Variants in SPPL2A observed in about 807,000 individuals in gnomAD.
The protein encoded by SPPL2A is signal peptide peptidase-like 2A.
In SPPL2A, 51 loss-of-function variants were observed where a neutral mutation model predicts 63.8. The observed-to-expected ratio is 0.80, with a 90% CI of 0.64 to 1.01. SPPL2A has a LOEUF of 1.01. Among genes scored for constraint, SPPL2A ranks in the 50% least tolerant of loss-of-function variants. The pLI, the probability that SPPL2A is intolerant of heterozygous loss-of-function variation, is 0.00. For missense variants in SPPL2A, 553 were observed against 622.7 expected (o/e 0.89, Z 1.19); for synonymous variants, 188 against 205.8 (o/e 0.91, Z 0.74).
intron 6 of SPPL2A, among the ~76,000 whole-genome samples, chr15:50,737,253 C>G (rs980559919): frequency 1.3e-5 from 2 of 152,032 alleles, no homozygotes; most frequent in Admixed American, 6.6e-5. Flanking sequence ...AAATCTCTTA[C>G]CAAAAACTAA....
intron 10 of SPPL2A, among the ~76,000 whole-genome samples, chr15:50,728,814 T>C (rs1485934111): frequency 7.2e-6 from 1 of 139,012 alleles, no homozygotes; most frequent in Non-Finnish European, 1.5e-5. Context: ...GGCTGATTAT[T>C]GTATTTTTTT....
chr15:50,717,878 T>C (rs908115001), intron 14 of SPPL2A, among the ~76,000 whole-genome samples: 17 of 152,030 alleles, frequency 1.1e-4, no homozygotes, highest in African/African-American at 3.1e-4. Flanking sequence ...ATCCCATCTA[T>C]AGTTTTCATG....
rs1028278839 is a variant in SPPL2A at position 50,743,833 on chromosome 15, T to C, written c.584+3662A>G. Among the ~76,000 whole-genome samples, 5 of 152,216 alleles carry C rather than the reference T, an allele frequency of 3.3e-5. No individual in the cohort carries two copies. In the South Asian group the frequency reaches 1.0e-3, roughly 32 times the overall value. ...ATTTCTAAAGTTTCCCTAAGTAATA[T>C]ACAAAATGATTTTAGAGATATGGAG... On this transcript the variant is annotated intron_variant, in intron 5 of 14. Transcript: ENST00000261854.
At chr15:50,730,552 A>G (rs2062722210) in intron 10 of SPPL2A, among the ~76,000 whole-genome samples, 2 of 152,128 alleles carry the variant, frequency 1.3e-5, no homozygotes, top group South Asian at 4.1e-4. Context: ...ATGCAAGCAG[A>G]AAGGGCTAAG....
At chr15:50,712,030 A>G (rs548180337) in intron 14 of SPPL2A, among the ~76,000 whole-genome samples, 15 of 152,360 alleles carry the variant, frequency 9.8e-5, no homozygotes, top group African/African-American at 3.6e-4. Context: ...TTATACACAC[A>G]TGCAAAAGTA....
chr15:50,765,178 G>A (rs2063047087), intron 1 of SPPL2A, among the ~76,000 whole-genome samples: 1 of 152,026 alleles, frequency 6.6e-6, no homozygotes, highest in Admixed American at 6.5e-5. Flanking sequence ...CAAGGTCAAC[G>A]CAACCTAAGG....
At chr15:50,712,526 TA>T (rs1454283892) in intron 14 of SPPL2A, among the ~76,000 whole-genome samples, 1 of 152,072 alleles carries the variant, frequency 6.6e-6, no homozygotes, top group Admixed American at 6.6e-5. Flanking sequence ...ACCAGGCATG[TA>T]AAAGCTCCCC....
chr15:50,722,789 T>C (rs1373430070), intron 12 of SPPL2A, among the ~76,000 whole-genome samples: 2 of 152,146 alleles, frequency 1.3e-5, no homozygotes, highest in African/African-American at 4.8e-5. Context: ...CATTAAAAAA[T>C]ATATTGAACA....
chr15:50,735,337 T>C (rs1199132422), intron 8 of SPPL2A, among the ~76,000 whole-genome samples: 1 of 152,102 alleles, frequency 6.6e-6, no homozygotes, highest in Non-Finnish European at 1.5e-5. Flanking sequence ...CGTAATGTAT[T>C]CACCCATTCA....
At chr15:50,730,542 A>T (rs10519285) in intron 10 of SPPL2A, among the ~76,000 whole-genome samples, 4,336 of 152,160 alleles carry the variant, frequency 0.028, 76 homozygotes, top group Middle Eastern at 0.1. Context: ...GCGTTAGTAA[A>T]TGCAAGCAGA....
intron 1 of SPPL2A, among the ~76,000 whole-genome samples, chr15:50,754,094 G>T (rs2062933675): frequency 6.6e-6 from 1 of 152,206 alleles, no homozygotes; most frequent in Admixed American, 6.5e-5. Flanking sequence ...ACCATGCCCG[G>T]ACTTCTTTCT....
chr15:50,723,046 G>C (rs76655479), intron 12 of SPPL2A, among the ~76,000 whole-genome samples: 143 of 152,152 alleles, frequency 9.4e-4, no homozygotes, highest in African/African-American at 3.3e-3. Context: ...ATAGCCAACA[G>C]GTATATGAAA....
intron 14 of SPPL2A, among the ~76,000 whole-genome samples, chr15:50,714,793 A>C (rs951404783): frequency 6.6e-5 from 10 of 151,028 alleles, no homozygotes; most frequent in African/African-American, 2.4e-4. Context: ...AAATACAAAA[A>C]TTATCCAGGG....
intron 14 of SPPL2A, among the ~76,000 whole-genome samples, chr15:50,708,355 T>A (rs62017259): frequency 6.6e-6 from 1 of 152,124 alleles, no homozygotes; most frequent in Admixed American, 6.5e-5. Flanking sequence ...GGAAACATTA[T>A]AATAATTTCT....
rs1214985323 is a variant in SPPL2A at position 50,703,346 on chromosome 15, ACATATATATATTTTTTTTTTT to A, written c.*4433_*4453del. 16 of 73,382 alleles carry A rather than the reference ACATATATATATTTTTTTTTTT, an allele frequency of 2.2e-4. No homozygotes were observed. The highest frequency in any genetic ancestry group is 8.0e-4 in the African/African-American group (16 of 19,946). 4.5% of individuals were successfully genotyped at this position (73,382 alleles called of 1,614,324 possible). A position where few individuals can be genotyped will look rare whatever the true frequency, so the allele number is the denominator to read the frequency against. ...TATACATATATATATATATATATAT[ACATATATATATTTTTTTTTTT>A]TTTTTTTTTTTTTGAGATGGAGTCT... is the stretch of plus-strand genomic sequence containing the variant. On this transcript the variant is annotated 3_prime_UTR_variant, in exon 15 of 15. Transcript: ENST00000261854.
At chr15:50,741,358 A>C (rs1567161658) in intron 5 of SPPL2A, among the ~76,000 whole-genome samples, 13 of 148,382 alleles carry the variant, frequency 8.8e-5, no homozygotes. Flanking sequence ...AATTTTAAAA[A>C]TAAAAAAAAA....
chr15:50,711,366 C>T lies in SPPL2A; in HGVS notation c.1489-3492G>A, dbSNP rs1340256402. Among the ~76,000 whole-genome samples, 7 of 151,948 alleles carry T rather than the reference C, an allele frequency of 4.6e-5. No individual in the cohort carries two copies. The East Asian group carries it at 5.8e-4, about 13-fold the overall frequency. On this transcript the variant is annotated intron_variant, in intron 14 of 14. Coordinates refer to ENST00000261854, the MANE Select transcript of SPPL2A (RefSeq NM_032802.4). Reference sequence around the variant, plus strand: ...CTGGGATTACAGGCACACGCCACCACGCCTGGATAATTTTTTGTATTTTTA... The same window carrying T: ...CTGGGATTACAGGCACACGCCACCATGCCTGGATAATTTTTTGTATTTTTA...
chr15:50,765,525 C>A lies in SPPL2A; in HGVS notation c.9G>T (p.Pro3=). The change falls in exon 1 of 15, where the codon CCG becomes CCT. Residue 3 remains proline, a synonymous_variant. Coordinates refer to ENST00000261854, the MANE Select transcript of SPPL2A (RefSeq NM_032802.4). The part of the protein sequence containing the change: MG[P]QRRLSPAGAA... ...CCCCGGCAGGGGACAGCCGCCGCTG[C>A]GGCCCCATCGGACTGGTGGGTGCCG... 1 of 1,497,370 alleles carries A rather than the reference C, an allele frequency of 6.7e-7. No homozygotes were observed. The highest frequency in any genetic ancestry group is 8.8e-7 in the Non-Finnish European group (1 of 1,131,002). The allele number at this position is 1,497,370 out of a possible 1,614,324, so 92.8% of individuals were successfully genotyped here. A position where few individuals can be genotyped will look rare whatever the true frequency, so the allele number is the denominator to read the frequency against.
At chr15:50,746,921 G>C (rs921737291) in intron 5 of SPPL2A, 2 of 152,430 alleles carry the variant, frequency 1.3e-5, no homozygotes, top group African/African-American at 2.4e-5. Flanking sequence ...GCCCGCCTTG[G>C]CCTCCCAAAG....
Sources: gnomAD v4.1 joint callset for allele counts (sites outside exome capture counted in the v4.1 genomes callset) on GRCh38, gnomAD v4.1.1 for gene constraint, MANE v1.5 for transcripts, NCBI Gene and HGNC (gene_info 2026-07-23, HGNC 2026-07-21) for gene names.